The following PGM5 variants were observed in gnomAD, a reference collection of about 807,000 sequenced individuals.
PGM5 encodes phosphoglucomutase 5.
PGM5 carries 23 observed loss-of-function variants against 59.2 expected under a neutral mutation model. The observed-to-expected ratio is 0.39, with a 90% confidence interval of 0.28 to 0.55. The LOEUF (loss-of-function observed/expected upper bound fraction) is 0.55. Ranked by LOEUF, PGM5 falls within the 20% of genes least tolerant of loss-of-function variation. PGM5 has a pLI of 0.66. For synonymous variants in PGM5, 214 were observed against 286.0 expected (o/e 0.75, Z 2.54); for missense variants, 574 against 748.3 (o/e 0.77, Z 2.72).
intron 6 of PGM5, among the ~76,000 whole-genome samples, chr9:68,463,613 C>T: frequency 6.6e-6 from 1 of 152,158 alleles, no homozygotes; most frequent in East Asian, 1.9e-4. Flanking sequence ...TTCTCTGAGC[C>T]TGAAACTTGA....
chr9:68,397,000 T>C (rs1423382250), intron 6 of PGM5: 1 of 152,590 alleles, frequency 6.6e-6, no homozygotes, highest in African/African-American at 2.4e-5. Context: ...CAGATAATTG[T>C]GGCTCCCCAA....
In PGM5 at chr9:68,357,403, G is replaced by T; in HGVS notation, c.261+15G>T. On this transcript the variant is annotated intron_variant, in intron 1 of 10. Transcript: ENST00000396396. The stretch of plus-strand genomic sequence containing the variant: ...CGGCCAACGGGGTGAGTGTCCGGAT[G>T]CCCCTCGCTTCCCGCCGCGCCGCCG... The T allele has an allele frequency of 6.4e-7, 1 of 1,554,420 alleles. No homozygotes were observed. The highest frequency in any genetic ancestry group is 8.7e-7 in the Non-Finnish European group (1 of 1,152,838).
At chr9:68,474,094 T>A (rs570917115) in intron 7 of PGM5, among the ~76,000 whole-genome samples, 1 of 152,288 alleles carries the variant, frequency 6.6e-6, no homozygotes, top group South Asian at 2.1e-4. Context: ...CAAGGAGTTT[T>A]TAAAAAAGAA....
chr9:68,432,679 C>T (rs1464881086), intron 6 of PGM5, among the ~76,000 whole-genome samples: 1 of 151,964 alleles, frequency 6.6e-6, no homozygotes, highest in Non-Finnish European at 1.5e-5. Flanking sequence ...AATCTCGGCT[C>T]ACTGCAACCT....
intron 6 of PGM5, among the ~76,000 whole-genome samples, chr9:68,403,831 G>A (rs748969037): frequency 6.6e-5 from 10 of 152,164 alleles, no homozygotes; most frequent in Non-Finnish European, 1.3e-4. Context: ...GGTGGTAGAT[G>A]ACATCAGATA....
At chr9:68,476,534 C>A (rs1277056790) in intron 7 of PGM5, among the ~76,000 whole-genome samples, 1 of 152,198 alleles carries the variant, frequency 6.6e-6, no homozygotes, top group Non-Finnish European at 1.5e-5. Flanking sequence ...ATAGCGTTCA[C>A]TTGCCTGAAA....
intron 10 of PGM5, among the ~76,000 whole-genome samples, chr9:68,527,680 G>C (rs1257196584): frequency 9.5e-6 from 1 of 105,384 alleles, no homozygotes; most frequent in Non-Finnish European, 2.7e-5. Flanking sequence ...GGAACCGGAG[G>C]AAAGTGCCAC....
At chr9:68,409,914 G>T (rs1287733454) in intron 6 of PGM5, among the ~76,000 whole-genome samples, 1 of 151,670 alleles carries the variant, frequency 6.6e-6, no homozygotes, top group African/African-American at 2.4e-5. Flanking sequence ...ATGTGAGTGT[G>T]TGACTGAGGT....
At chr9:68,421,335 A>T (rs1195941816) in intron 6 of PGM5, among the ~76,000 whole-genome samples, 1 of 152,048 alleles carries the variant, frequency 6.6e-6, no homozygotes, top group Non-Finnish European at 1.5e-5. Context: ...GATGTTGTTT[A>T]TCTATAGATG....
intron 10 of PGM5, among the ~76,000 whole-genome samples, chr9:68,508,506 C>T (rs1404689947): frequency 6.6e-6 from 1 of 152,150 alleles, no homozygotes; most frequent in Non-Finnish European, 1.5e-5. Context: ...TAAATATCAA[C>T]TTCTTACCAA....
chr9:68,489,276 T>C (rs765318158), intron 9 of PGM5, among the ~76,000 whole-genome samples: 6 of 152,236 alleles, frequency 3.9e-5, no homozygotes, highest in Middle Eastern at 3.4e-3. Context: ...TGGCTCCACA[T>C]TGAGAGACAG....
At chr9:68,384,614 A>C (rs1822168389) in intron 3 of PGM5, 70 bp downstream of exon 3, 2 of 975,948 alleles carry the variant, frequency 2.0e-6, no homozygotes, top group East Asian at 4.8e-5. Context: ...TCTGTAGGGA[A>C]GTAAACTCAT....
intron 1 of PGM5, 46 bp downstream of exon 1, chr9:68,357,434 C>T (rs570633734): frequency 6.5e-7 from 1 of 1,542,046 alleles, no homozygotes; most frequent in Admixed American, 2.0e-5. Flanking sequence ...CGCCGCCATG[C>T]CCTCTCCTAG....
At chr9:68,477,099 C>T (rs368002508) in intron 7 of PGM5, among the ~76,000 whole-genome samples, 9 of 152,196 alleles carry the variant, frequency 5.9e-5, no homozygotes, top group Admixed American at 5.2e-4. Context: ...TTCCAAACTT[C>T]TTCCATTTTT....
intron 10 of PGM5, among the ~76,000 whole-genome samples, chr9:68,500,255 G>GGCAGGCTT (rs1283599803): frequency 2.0e-5 from 3 of 152,226 alleles, no homozygotes; most frequent in Middle Eastern, 6.8e-3. Flanking sequence ...TAAGATACCT[G>GGCAGGCTT]GCAGGCTTTT....
intron 6 of PGM5, among the ~76,000 whole-genome samples, chr9:68,401,842 T>C (rs1215514972): frequency 3.9e-5 from 6 of 152,050 alleles, no homozygotes; most frequent in African/African-American, 9.7e-5. Context: ...CTGATAAAAA[T>C]GTTCCATATC....
At chr9:68,360,339 TATAAA>T (rs1834552779) in intron 1 of PGM5, among the ~76,000 whole-genome samples, 1 of 151,082 alleles carries the variant, frequency 6.6e-6, no homozygotes, top group South Asian at 2.1e-4. Flanking sequence ...ATTATTTTAT[TATAAA>T]ATTATTATAG....
intron 6 of PGM5, among the ~76,000 whole-genome samples, chr9:68,412,649 G>T (rs188601717): frequency 6.6e-6 from 1 of 152,118 alleles, no homozygotes; most frequent in Non-Finnish European, 1.5e-5. Flanking sequence ...AAACGGTTAG[G>T]TATCTTTATG....
intron 6 of PGM5, among the ~76,000 whole-genome samples, chr9:68,426,227 C>T (rs1430204560): frequency 1.3e-5 from 2 of 149,198 alleles, no homozygotes; most frequent in Non-Finnish European, 3.0e-5. Flanking sequence ...GGACAAGTCA[C>T]TTATCTTCCT....
Sources: allele counts gnomAD v4.1 joint callset (sites outside exome capture counted in the v4.1 genomes callset), GRCh38; gene constraint gnomAD v4.1.1; transcripts MANE v1.5; gene names NCBI Gene and HGNC (gene_info 2026-07-23, HGNC 2026-07-21).